KCNB2: variants seen among roughly 807,000 people sequenced by gnomAD.
KCNB2 encodes the protein delayed rectifier potassium channel protein.
In KCNB2, 15 loss-of-function variants were observed where a neutral mutation model predicts 61.5. The ratio of observed to expected loss-of-function variants is 0.24; its 90% confidence interval spans 0.16 to 0.38. The LOEUF is 0.38. Among genes scored for constraint, KCNB2 ranks in the 10% least tolerant of loss-of-function variants. The pLI is 1.00. For missense variants in KCNB2, 828 were observed against 1,125.2 expected (o/e 0.74, Z 3.78); for synonymous variants, 457 against 446.0 (o/e 1.02, Z -0.31).
chr8:72,577,383 G>A (rs189055620), intron 2 of KCNB2, among the ~76,000 whole-genome samples: 122 of 152,122 alleles, frequency 8.0e-4, no homozygotes, highest in African/African-American at 2.8e-3. Context: ...ATTAGAGTAT[G>A]TTCTATTGTA....
intron 2 of KCNB2, among the ~76,000 whole-genome samples, chr8:72,679,250 C>T (rs1020828622): frequency 6.6e-6 from 1 of 152,202 alleles, no homozygotes; most frequent in African/African-American, 2.4e-5. Context: ...GTAAACGCAA[C>T]ATCCAACTTT....
intron 2 of KCNB2, among the ~76,000 whole-genome samples, chr8:72,748,047 T>G (rs1585869657): frequency 6.6e-6 from 1 of 152,188 alleles, no homozygotes; most frequent in East Asian, 1.9e-4. Flanking sequence ...GAAATTAGAA[T>G]GAAAACAGGG....
chr8:72,893,823 A>G (rs1042276597), intron 2 of KCNB2, among the ~76,000 whole-genome samples: 2 of 152,198 alleles, frequency 1.3e-5, no homozygotes, highest in Non-Finnish European at 2.9e-5. Context: ...TTCACAGAGA[A>G]CAGAGCAAAT....
At chr8:72,628,400 G>GGTGTGTGTGTGTGT (rs1160601490) in intron 2 of KCNB2, among the ~76,000 whole-genome samples, 1 of 47,340 alleles carries the variant, frequency 2.1e-5, no homozygotes, top group Non-Finnish European at 5.0e-5. Flanking sequence ...CCTGTTAGGG[G>GGTGTGTGTGTGTGT]GTGTGTGTGT....
Position 72,753,277 on chromosome 8 carries a change from C to A in KCNB2, c.580-182658C>A, listed in dbSNP as rs191286556. On this transcript the variant is annotated intron_variant, in intron 2 of 2. Coordinates refer to ENST00000523207, the MANE Select transcript of KCNB2 (RefSeq NM_004770.3). Reference sequence around the variant, plus strand: ...TTAGTTCTGCTTACTAATGAGTTTACGTTGATACCACAATATGATATTAAA... The same window carrying A: ...TTAGTTCTGCTTACTAATGAGTTTAAGTTGATACCACAATATGATATTAAA... Among the ~76,000 whole-genome samples, 3 of 152,260 alleles carry A rather than the reference C, an allele frequency of 2.0e-5. No individual in the cohort carries two copies. The South Asian group carries it at 6.2e-4, about 32-fold the overall frequency.
At chr8:72,760,424 C>G (rs150067042) in intron 2 of KCNB2, among the ~76,000 whole-genome samples, 237 of 152,162 alleles carry the variant, frequency 1.6e-3, no homozygotes, top group Admixed American at 3.4e-3. Context: ...TACTGAAGTC[C>G]CCCATTTTTC....
At chr8:72,619,450 A>C (rs1220955477) in intron 2 of KCNB2, 1 of 303,430 alleles carries the variant, frequency 3.3e-6, no homozygotes, top group African/African-American at 2.2e-5. Context: ...AAGGTGGTGT[A>C]AAATCTCTAA....
intron 2 of KCNB2, among the ~76,000 whole-genome samples, chr8:72,719,169 A>G (rs570451437): frequency 2.0e-5 from 3 of 152,212 alleles, no homozygotes; most frequent in Non-Finnish European, 2.9e-5. Context: ...ATGGGAATAC[A>G]TGGAATATTC....
chr8:72,752,621 T>C (rs1808211182), intron 2 of KCNB2, among the ~76,000 whole-genome samples: 1 of 152,204 alleles, frequency 6.6e-6, no homozygotes, highest in Non-Finnish European at 1.5e-5. Context: ...GTCTGCCTTG[T>C]TCAAGGAGCT....
At position 72,937,711 on chromosome 8, in the gene KCNB2, C is replaced by A. The variant is rs1398066070; in HGVS notation, c.2356C>A (p.Pro786Thr). The change falls in exon 3 of 3, where the codon CCC becomes ACC. Residue 786 changes from proline (P) to threonine (T), a missense_variant. By Grantham distance (38) the Pro-to-Thr change is conservative. This residue lies in a region of KCNB2 where 559 missense variants were observed against 588.4 expected (regional missense o/e 0.95). Transcript: ENST00000523207. ...PCQGPSKGLS[P>T]RFPKQKLFPF... ...TCAGGGACCTTCCAAAGGGCTGTCC[C>A]CCAGGTTTCCCAAGCAGAAACTGTT... 1 of 1,613,836 alleles carries A rather than the reference C, an allele frequency of 6.2e-7. No homozygotes were observed. Among genetic ancestry groups the A allele is most frequent in the Non-Finnish European group, 8.5e-7 (1 of 1,180,000 alleles).
chr8:72,652,801 CTG>C (rs1186246288), intron 2 of KCNB2, among the ~76,000 whole-genome samples: 2 of 152,142 alleles, frequency 1.3e-5, no homozygotes, highest in African/African-American at 4.8e-5. Flanking sequence ...TTATTTTAAT[CTG>C]TGTTACTTTC....
At chr8:72,913,828 C>T (rs931173629) in intron 2 of KCNB2, among the ~76,000 whole-genome samples, 1 of 152,218 alleles carries the variant, frequency 6.6e-6, no homozygotes, top group Non-Finnish European at 1.5e-5. Context: ...TTTCAACAAA[C>T]ATTTCATGAA....
At chr8:72,688,703 G>T (rs1442231385) in intron 2 of KCNB2, among the ~76,000 whole-genome samples, 1 of 151,860 alleles carries the variant, frequency 6.6e-6, no homozygotes, top group Non-Finnish European at 1.5e-5. Context: ...ATAAAGAAAG[G>T]AGGAAGCTTA....
intron 2 of KCNB2, among the ~76,000 whole-genome samples, chr8:72,677,611 G>A (rs1806680846): frequency 6.6e-6 from 1 of 152,042 alleles, no homozygotes; most frequent in Admixed American, 6.6e-5. Context: ...CAAATCTAGG[G>A]CGCATATCTC....
intron 2 of KCNB2, among the ~76,000 whole-genome samples, chr8:72,741,601 A>G (rs1405924604): frequency 1.3e-5 from 2 of 151,206 alleles, no homozygotes; most frequent in African/African-American, 4.9e-5. Context: ...CCCAAAGTCC[A>G]TTGTATCATT....
intron 2 of KCNB2, among the ~76,000 whole-genome samples, chr8:72,849,043 A>G (rs1810047941): frequency 6.7e-6 from 1 of 150,136 alleles, no homozygotes; most frequent in African/African-American, 2.4e-5. Flanking sequence ...CTATATTAAT[A>G]TAGTATTAAT....
chr8:72,564,688 A>G (rs1173776178), intron 1 of KCNB2, among the ~76,000 whole-genome samples: 1 of 152,210 alleles, frequency 6.6e-6, no homozygotes, highest in Admixed American at 6.5e-5. Flanking sequence ...CATGAACATC[A>G]GTGGCGCCAA....
chr8:72,747,367 G>A (rs561501936), intron 2 of KCNB2, among the ~76,000 whole-genome samples: 1 of 152,268 alleles, frequency 6.6e-6, no homozygotes, highest in Admixed American at 6.5e-5. Flanking sequence ...GATCGTAAGA[G>A]CTTGAGCTCC....
intron 2 of KCNB2, among the ~76,000 whole-genome samples, chr8:72,924,704 G>T (rs1183673354): frequency 1.3e-5 from 2 of 152,272 alleles, no homozygotes; most frequent in South Asian, 2.1e-4. Flanking sequence ...ATACAGAAGT[G>T]CTTGGGCCCA....
Sources: allele counts gnomAD v4.1 joint callset (sites outside exome capture counted in the v4.1 genomes callset), GRCh38; gene constraint gnomAD v4.1.1; regional missense constraint gnomAD v4.1.1; transcripts MANE v1.5; gene names NCBI Gene and HGNC (gene_info 2026-07-23, HGNC 2026-07-21).